Variants in CNOT10 observed in about 807,000 individuals in gnomAD.
CNOT10 encodes CCR4-NOT transcription complex, subunit 10.
In CNOT10, 30 loss-of-function variants were observed where a neutral mutation model predicts 94.6. The observed-to-expected ratio is 0.32, with a 90% CI of 0.24 to 0.43. The LOEUF is 0.43. Among genes scored for constraint, CNOT10 ranks in the 20% least tolerant of loss-of-function variants. CNOT10 has a pLI of 1.00. For missense variants in CNOT10, 759 were observed against 877.2 expected (o/e 0.87, Z 1.70); for synonymous variants, 289 against 301.6 (o/e 0.96, Z 0.43).
intron 1 of CNOT10, among the ~76,000 whole-genome samples, chr3:32,692,301 G>C (rs1696886898): frequency 6.6e-6 from 1 of 152,060 alleles, no homozygotes; most frequent in South Asian, 2.1e-4. Flanking sequence ...CCAATATATT[G>C]CCCAGGCTGG....
intron 9 of CNOT10, among the ~76,000 whole-genome samples, 168 bp downstream of exon 9, chr3:32,725,767 A>G (rs1698638794): frequency 1.3e-5 from 2 of 152,234 alleles, no homozygotes; most frequent in South Asian, 4.1e-4. Context: ...GCTACTTTGA[A>G]GAGCAATAAC....
chr3:32,713,476 G>A, intron 5 of CNOT10, 107 bp downstream of exon 5: 1 of 877,976 alleles, frequency 1.1e-6, no homozygotes, highest in Non-Finnish European at 1.7e-6. Flanking sequence ...ATTAATGTTT[G>A]TGGTTATGAA....
chr3:32,689,965 A>G (rs76135085), intron 1 of CNOT10, among the ~76,000 whole-genome samples: 266 of 152,302 alleles, frequency 1.7e-3, no homozygotes, highest in African/African-American at 6.1e-3. Flanking sequence ...ACAGAAAACA[A>G]AAAAGCCAAT....
At chr3:32,714,595 A>T (rs1347725602) in intron 5 of CNOT10, among the ~76,000 whole-genome samples, 1 of 152,058 alleles carries the variant, frequency 6.6e-6, no homozygotes, top group Non-Finnish European at 1.5e-5. Flanking sequence ...TGTAATTCCA[A>T]CTACTCAGGA....
At chr3:32,769,412 T>G (rs1700800850) in intron 17 of CNOT10, 1 of 164,288 alleles carries the variant, frequency 6.1e-6, no homozygotes, top group Non-Finnish European at 1.3e-5. Context: ...GTAAATTATT[T>G]TATTGGACTA....
At chr3:32,733,880 G>T (rs1490301428) in intron 11 of CNOT10, among the ~76,000 whole-genome samples, 1 of 151,936 alleles carries the variant, frequency 6.6e-6, no homozygotes, top group African/African-American at 2.4e-5. Flanking sequence ...TTTCATTTGG[G>T]TATTTTCTTA....
chr3:32,724,123 A>C (rs986098136), intron 8 of CNOT10, among the ~76,000 whole-genome samples: 1 of 152,076 alleles, frequency 6.6e-6, no homozygotes, highest in African/African-American at 2.4e-5. Context: ...AAGAGGCAAC[A>C]CAGGCTGAAA....
rs56273006 is a variant in CNOT10 at position 32,726,836 on chromosome 3, ATTTTTTTT to A, written c.1013-814_1013-807del. Among the ~76,000 whole-genome samples, 340 of 81,256 alleles carry A rather than the reference ATTTTTTTT, an allele frequency of 4.2e-3. 4 individuals carry two copies. The highest frequency in any genetic ancestry group is 0.014 in the African/African-American group (311 of 22,386). The allele number at this position is 81,256 out of a possible 152,430, so 53.3% of individuals were successfully genotyped here. On this transcript the variant is annotated intron_variant, in intron 9 of 18. Transcript: ENST00000328834. ...ACAATAAAATGGTTAACCAAGATGA[ATTTTTTTT>A]TTTTTTTTTTTTTTTTTCCTGAGAC...
At chr3:32,736,830 G>A (rs925815807) in intron 12 of CNOT10, among the ~76,000 whole-genome samples, 1 of 151,820 alleles carries the variant, frequency 6.6e-6, no homozygotes. Context: ...TGAGAAATGC[G>A]CGAAAATATT....
At chr3:32,737,181 G>A (rs1249924994) in intron 12 of CNOT10, among the ~76,000 whole-genome samples, 1 of 152,110 alleles carries the variant, frequency 6.6e-6, no homozygotes, top group Non-Finnish European at 1.5e-5. Flanking sequence ...TGGGCGTGGT[G>A]GTGTGCGCCT....
intron 13 of CNOT10, among the ~76,000 whole-genome samples, chr3:32,748,863 C>T (rs1699831238): frequency 6.6e-6 from 1 of 151,642 alleles, no homozygotes; most frequent in Admixed American, 6.6e-5. Flanking sequence ...GGGAGTCTTG[C>T]TCTGCCGCCC....
At chr3:32,744,569 T>C (rs796124494) in intron 13 of CNOT10, among the ~76,000 whole-genome samples, 18 of 152,252 alleles carry the variant, frequency 1.2e-4, no homozygotes, top group African/African-American at 4.3e-4. Context: ...AGTTGTGAGA[T>C]TGTATATTAA....
chr3:32,698,403 G>GAATA (rs1261091967), intron 1 of CNOT10, among the ~76,000 whole-genome samples: 28 of 152,206 alleles, frequency 1.8e-4, no homozygotes, highest in African/African-American at 4.8e-4. Context: ...GTTATAAGTG[G>GAATA]TGACTCTCAA....
chr3:32,758,497 T>A (rs1700308485), intron 13 of CNOT10, among the ~76,000 whole-genome samples: 1 of 152,218 alleles, frequency 6.6e-6, no homozygotes, highest in African/African-American at 2.4e-5. Context: ...ATTTCAAAAC[T>A]CTGTGGTGAT....
chr3:32,698,567 G>T (rs1330213122), intron 1 of CNOT10, among the ~76,000 whole-genome samples: 1 of 152,102 alleles, frequency 6.6e-6, no homozygotes, highest in Admixed American at 6.6e-5. Flanking sequence ...TTTAGTTCTG[G>T]TGAAAGGAAA....
intron 10 of CNOT10, among the ~76,000 whole-genome samples, chr3:32,728,961 C>T (rs1483380539): frequency 1.3e-5 from 2 of 151,978 alleles, no homozygotes; most frequent in African/African-American, 4.8e-5. Context: ...ATTAGCCGGG[C>T]GTTGTGGGCC....
chr3:32,716,721 C>A (rs547324719), intron 6 of CNOT10, among the ~76,000 whole-genome samples: 1 of 152,276 alleles, frequency 6.6e-6, no homozygotes, highest in East Asian at 1.9e-4. Context: ...GATCTCGGCT[C>A]GCTGCAACCT....
chr3:32,736,187 G>A (rs1699179666), intron 12 of CNOT10, among the ~76,000 whole-genome samples: 1 of 152,102 alleles, frequency 6.6e-6, no homozygotes, highest in Non-Finnish European at 1.5e-5. Context: ...ACAGGCTCAA[G>A]CGATTCTCCT....
chr3:32,713,407 G>A (rs367958489), intron 5 of CNOT10, 38 bp downstream of exon 5: 17 of 1,492,136 alleles, frequency 1.1e-5, no homozygotes, highest in Non-Finnish European at 1.5e-5. Flanking sequence ...AATCTAAAAT[G>A]TGATTAATTC....
Sources: gnomAD v4.1 joint callset for allele counts (sites outside exome capture counted in the v4.1 genomes callset) on GRCh38, gnomAD v4.1.1 for gene constraint, MANE v1.5 for transcripts, NCBI Gene and HGNC (gene_info 2026-07-23, HGNC 2026-07-21) for gene names.